MGAT3: variants seen among roughly 807,000 people sequenced by gnomAD.
MGAT3 encodes the protein GlcNAc-T III.
Under a neutral mutation model 29.8 loss-of-function variants are expected in MGAT3, and 9 were observed. The ratio of observed to expected loss-of-function variants is 0.30; its 90% CI spans 0.18 to 0.53. MGAT3 has a LOEUF of 0.53. Among genes scored for constraint, MGAT3 ranks in the 20% least tolerant of loss-of-function variants. MGAT3 has a pLI of 0.96. For missense variants in MGAT3, 557 were observed against 769.5 expected (o/e 0.72, Z 3.27); for synonymous variants, 397 against 348.9 (o/e 1.14, Z -1.54).
chr22:39,483,439 C>G (rs11914272), intron 1 of MGAT3, among the ~76,000 whole-genome samples: 1 of 151,760 alleles, frequency 6.6e-6, no homozygotes, highest in African/African-American at 2.4e-5. Flanking sequence ...GAGCTGAGAT[C>G]GCACCATTGC....
intron 1 of MGAT3, among the ~76,000 whole-genome samples, chr22:39,465,983 C>T (rs1284364512): frequency 6.6e-6 from 1 of 151,560 alleles, no homozygotes; most frequent in Non-Finnish European, 1.5e-5. Context: ...AAAATGCGCA[C>T]TGCCCGAAGG....
At position 39,457,341 on chromosome 22, in the gene MGAT3, G is replaced by C. The variant is rs1273950885; in HGVS notation, c.-218G>C. The stretch of plus-strand genomic sequence containing the variant: ...AGCCGAGCGGCCGCGCCGGGTCCCC[G>C]GGACGGGGTGGAAGTGGGGGTGGGG... On this transcript the variant is annotated 5_prime_UTR_variant, in exon 1 of 2. Transcript: ENST00000341184. This position sits in a 1 kb window ranked among gnomAD's most constrained non-coding sequence, Gnocchi z 6.8. 4.8e-5 allele frequency: 7 copies of C among 144,418 alleles called. No individual in the cohort carries two copies. In the East Asian group the frequency reaches 1.4e-3, roughly 29 times the overall value. The allele number at this position is 144,418 out of a possible 1,614,324, so 8.9% of individuals were successfully genotyped here.
chr22:39,467,666 G>C (rs1321317151), intron 1 of MGAT3, among the ~76,000 whole-genome samples: 1 of 151,450 alleles, frequency 6.6e-6, no homozygotes, highest in African/African-American at 2.4e-5. Context: ...TTTTCGTTTC[G>C]TTTCGTTTTG....
Position 39,475,289 on chromosome 22 carries a change from C to G in MGAT3, c.-1-12058C>G, listed in dbSNP as rs367723700. On this transcript the variant is annotated intron_variant, in intron 1 of 1. Transcript: ENST00000341184. ...TTTTCTCTCCCCCTTCACTCCACCT[C>G]TCTCTCAGGTCCTGGGGCACCTGGA... Among the ~76,000 whole-genome samples, 11 of 152,058 alleles carry G rather than the reference C, an allele frequency of 7.2e-5. No homozygotes were observed. The East Asian group carries it at 1.9e-3, about 27-fold the overall frequency.
rs747663959 is a variant in MGAT3 at position 39,488,877 on chromosome 22, GGGCGGGT to G, written c.1535_1541del (p.Gly512AlafsTer24). 1 of 1,599,152 alleles carries G rather than the reference GGGCGGGT, an allele frequency of 6.3e-7. No individual in the cohort carries two copies. The highest frequency in any genetic ancestry group is 8.5e-7 in the Non-Finnish European group (1 of 1,173,552). The stretch of plus-strand genomic sequence containing the variant: ...ACCAGGAGCCCAGGAGCACGGCGGC[GGGCGGGT>G]GGCGCCACAGGGGTCCCGAGGGAAG... On this transcript the variant is annotated frameshift_variant, in exon 2 of 2. Coordinates refer to ENST00000341184, the MANE Select transcript of MGAT3 (RefSeq NM_002409.5).
chr22:39,462,424 T>A (rs1928525163), intron 1 of MGAT3, among the ~76,000 whole-genome samples: 1 of 152,244 alleles, frequency 6.6e-6, no homozygotes, highest in Non-Finnish European at 1.5e-5. Flanking sequence ...AATGAATGAA[T>A]GAGTGAATGA....
rs1415990770 is a variant in MGAT3 at position 39,488,882 on chromosome 22, G to A, written c.1535G>A (p.Gly512Glu). The change falls in exon 2 of 2, where the codon GGG becomes GAG. Residue 512 changes from glycine (G) to glutamate (E), a missense_variant. By Grantham distance (98) the Gly-to-Glu change is moderately conservative. Around this residue, in one of 3 missense-constraint regions of MGAT3, gnomAD observed 102 missense variants for 97.0 expected, o/e 1.05. Coordinates refer to ENST00000341184, the MANE Select transcript of MGAT3 (RefSeq NM_002409.5). Reference protein sequence around the residue: ...YQEPRSTAAGGWRHRGPEGRP... With the variant: ...YQEPRSTAAGEWRHRGPEGRP... ...GAGCCCAGGAGCACGGCGGCGGGCG[G>A]GTGGCGCCACAGGGGTCCCGAGGGA... The A allele has an allele frequency of 2.5e-6, 4 of 1,599,376 alleles. No individual in the cohort carries two copies. Among genetic ancestry groups the A allele is most frequent in the South Asian group, 1.1e-5 (1 of 89,288 alleles).
chr22:39,476,010 A>T (rs1237764857), intron 1 of MGAT3: 1 of 152,322 alleles, frequency 6.6e-6, no homozygotes, highest in East Asian at 1.9e-4. Flanking sequence ...TGAATGGACC[A>T]GTGACCAGTG....
intron 1 of MGAT3, among the ~76,000 whole-genome samples, chr22:39,465,660 T>G (rs529128605): frequency 6.6e-6 from 1 of 151,590 alleles, no homozygotes; most frequent in Non-Finnish European, 1.5e-5. Flanking sequence ...GATATGAAAA[T>G]GAAATCATGC....
intron 1 of MGAT3, among the ~76,000 whole-genome samples, chr22:39,478,886 G>C (rs1274603879): frequency 6.6e-6 from 1 of 152,220 alleles, no homozygotes; most frequent in Non-Finnish European, 1.5e-5. Context: ...CACAAGAAGT[G>C]GGAAGAGGGA....
Position 39,489,063 on chromosome 22 carries a change from G to T in MGAT3, c.*114G>T, listed in dbSNP as rs1929378375. On this transcript the variant is annotated 3_prime_UTR_variant, in exon 2 of 2. Coordinates refer to ENST00000341184, the MANE Select transcript of MGAT3 (RefSeq NM_002409.5). ...CTTGAGGGGACCAGGAGTGGGTGGG[G>T]AGTGGGGGTGGGGGTAGGGTTTCCC... The T allele has an allele frequency of 1.4e-4, 107 of 779,544 alleles. No individual in the cohort carries two copies. The highest frequency in any genetic ancestry group is 4.5e-4 in the Middle Eastern group (1 of 2,228). 48.3% of individuals were successfully genotyped at this position (779,544 alleles called of 1,614,324 possible).
At chr22:39,480,082 T>C (rs574701310) in intron 1 of MGAT3, among the ~76,000 whole-genome samples, 85 of 152,208 alleles carry the variant, frequency 5.6e-4, no homozygotes, top group African/African-American at 2.0e-3. Context: ...TATAGGAACA[T>C]TGATGATGAT....
At chr22:39,478,163 C>T (rs116899872) in intron 1 of MGAT3, among the ~76,000 whole-genome samples, 231 of 152,372 alleles carry the variant, frequency 1.5e-3, no homozygotes, top group Non-Finnish European at 2.7e-3. Flanking sequence ...GAAGCCCTTT[C>T]GTACAGTTGA....
rs754674311 is a variant in MGAT3, at chr22:39,488,430, G to A, written c.1083G>A (p.Val361=). 2.5e-6 allele frequency: 4 copies of A among 1,612,706 alleles called. No homozygotes were observed. The highest frequency in any genetic ancestry group is 3.4e-6 in the Non-Finnish European group (4 of 1,180,042). The change falls in exon 2 of 2, where the codon GTG becomes GTA. Residue 361 remains valine, a synonymous_variant. Coordinates refer to ENST00000341184, the MANE Select transcript of MGAT3 (RefSeq NM_002409.5). ...FFWKQPGTLE[V]VSGCTVDMLQ... ...GGAAGCAGCCGGGCACCCTGGAGGT[G>A]GTGTCAGGCTGCACGGTGGACATGC... is the stretch of plus-strand genomic sequence containing the variant.
At chr22:39,458,794 T>TCGAGC (rs1928416310) in intron 1 of MGAT3, among the ~76,000 whole-genome samples, 1 of 151,788 alleles carries the variant, frequency 6.6e-6, no homozygotes, top group African/African-American at 2.4e-5. Flanking sequence ...GTCTGGCGTG[T>TCGAGC]GTTGAGAGGT....
In MGAT3 at chr22:39,488,205, G is replaced by A. The variant is rs1929342889; in HGVS notation, c.858G>A (p.Trp286Ter). 1 of 1,612,642 alleles carries A rather than the reference G, an allele frequency of 6.2e-7. No homozygotes were observed. The highest frequency in any genetic ancestry group is 1.3e-5 in the African/African-American group (1 of 74,928). Residue 286 changes from tryptophan to a stop codon, truncating the protein, a stop_gained, in exon 2 of 2, where the codon TGG becomes TGA. Transcript: ENST00000341184. LOFTEE classifies it high-confidence loss of function. ...HFPPGGRQDG[W>*]IADDYLRTFL... The stretch of plus-strand genomic sequence containing the variant: ...CGCCCGGCGGCCGGCAGGACGGCTG[G>A]ATCGCCGACGACTACCTGCGCACCT...
At chr22:39,477,136 G>A (rs1371994877) in intron 1 of MGAT3, among the ~76,000 whole-genome samples, 1 of 152,246 alleles carries the variant, frequency 6.6e-6, no homozygotes, top group Admixed American at 6.5e-5. Flanking sequence ...AAGCTCCAGG[G>A]AAACTGATGA....
rs148372024 is a variant in MGAT3 at position 39,487,544 on chromosome 22, G to T, written c.197G>T (p.Gly66Val). 215 of 1,612,934 alleles carry T rather than the reference G, an allele frequency of 1.3e-4. 2 individuals are homozygous for T. The African/African-American group carries it at 2.3e-3, about 17-fold the overall frequency. ...CCCCAGGCCAGCCCCGAGCCAGGAG[G>T]CCCTGACCTGCTGCGTACCCCACTC... ...VTPQASPEPGGPDLLRTPLYS... is the reference protein window; with the variant it reads ...VTPQASPEPGVPDLLRTPLYS... Residue 66 changes from glycine (G) to valine (V), a missense_variant, in exon 2 of 2, where the codon GGC becomes GTC. Gly to Val is a moderately radical substitution (Grantham distance 109). This residue lies in a region of MGAT3 where 212 missense variants were observed against 228.5 expected (regional missense o/e 0.93). Transcript: ENST00000341184. This position sits in a 1 kb window ranked among gnomAD's most constrained non-coding sequence, Gnocchi z 5.7.
chr22:39,487,413 C>T lies in MGAT3; in HGVS notation c.66C>T (p.Phe22=). The T allele has an allele frequency of 6.2e-7, 1 of 1,613,780 alleles. No individual in the cohort carries two copies. The part of the protein sequence containing the change: ...FCMAGLCLIS[F]LHFFKTLSYV... ...TGGCCGGCCTGTGCCTCATCTCCTT[C>T]CTGCACTTCTTCAAGACCCTGTCCT... Residue 22 remains phenylalanine, a synonymous_variant, in exon 2 of 2, where the codon TTC becomes TTT. Transcript: ENST00000341184. The surrounding 1 kb of genome is among the most constrained non-coding windows in gnomAD (Gnocchi z 5.7).
Sources: allele counts gnomAD v4.1 joint callset (sites outside exome capture counted in the v4.1 genomes callset), GRCh38; gene constraint gnomAD v4.1.1; regional missense constraint gnomAD v4.1.1; non-coding constraint Gnocchi (gnomAD v3.1); transcripts MANE v1.5; gene names NCBI Gene and HGNC (gene_info 2026-07-23, HGNC 2026-07-21).